The following MECOM variants were observed in gnomAD, a reference collection of about 807,000 sequenced individuals.
MECOM encodes histone-lysine N-methyltransferase MECOM.
In MECOM, 13 loss-of-function variants were observed where a neutral mutation model predicts 116.3. The ratio of observed to expected loss-of-function variants is 0.11; its 90% CI spans 0.07 to 0.18. The LOEUF is 0.18. MECOM is among the 10% of genes least tolerant of loss of function. The pLI is 1.00. For missense variants in MECOM, 1,299 were observed against 1,509.0 expected (o/e 0.86, Z 2.31); for synonymous variants, 528 against 535.2 (o/e 0.99, Z 0.19).
chr3:169,472,499 AAAGGAAAGG>A (rs1560317441), intron 1 of MECOM, among the ~76,000 whole-genome samples: 27 of 88,238 alleles, frequency 3.1e-4, no homozygotes, highest in African/African-American at 1.4e-3. Context: ...AAAGGAAAGG[AAAGGAAAGG>A]AAAGGAAAGG....
At chr3:169,515,211 A>G (rs1756477639) in intron 1 of MECOM, among the ~76,000 whole-genome samples, 2 of 152,080 alleles carry the variant, frequency 1.3e-5, no homozygotes, top group Admixed American at 1.3e-4. Context: ...AAAAAGAGGG[A>G]TCTGGTATGG....
At chr3:169,331,544 G>A (rs1722721967) in intron 2 of MECOM, among the ~76,000 whole-genome samples, 1 of 152,042 alleles carries the variant, frequency 6.6e-6, no homozygotes, top group African/African-American at 2.4e-5. Flanking sequence ...GATAATAGAA[G>A]GCAGGAATAG....
chr3:169,270,383 GTATC>G lies in MECOM; in HGVS notation c.375+110800_375+110803del, dbSNP rs201430289. 7.3e-3 allele frequency among the ~76,000 whole-genome samples: 1,116 copies of G among 151,892 alleles called. 8 individuals are homozygous for G. Among genetic ancestry groups the G allele is most frequent in the Middle Eastern group, 0.024 (7 of 290 alleles). ...AAGGTTCCAGATTATATCTATATCTGTATCTATCTATCTATCTATATATACTTAT... is the reference window on the plus strand; with the variant it reads ...AAGGTTCCAGATTATATCTATATCTGTATCTATCTATCTATATATACTTAT... On this transcript the variant is annotated intron_variant, in intron 2 of 16. Coordinates refer to ENST00000651503, the MANE Select transcript of MECOM (RefSeq NM_004991.4).
intron 2 of MECOM, among the ~76,000 whole-genome samples, chr3:169,230,180 C>A (rs1419142658): frequency 6.6e-6 from 1 of 152,088 alleles, no homozygotes; most frequent in African/African-American, 2.4e-5. Context: ...TCCCTCCAGG[C>A]CAGAACTTTG....
At chr3:169,507,649 G>GTTTTTTTTTT (rs1491033517) in intron 1 of MECOM, among the ~76,000 whole-genome samples, 3 of 65,092 alleles carry the variant, frequency 4.6e-5, no homozygotes, top group Admixed American at 1.6e-4. Flanking sequence ...ATCCCCACTT[G>GTTTTTTTTTT]CTTTTTTTTT....
intron 1 of MECOM, among the ~76,000 whole-genome samples, chr3:169,414,493 A>G (rs1334265565): frequency 2.6e-5 from 4 of 152,148 alleles, no homozygotes. Context: ...AATGATGGCA[A>G]CTCCTCACCA....
intron 2 of MECOM, among the ~76,000 whole-genome samples, chr3:169,235,698 G>A (rs1753955948): frequency 6.6e-6 from 1 of 151,772 alleles, no homozygotes; most frequent in Non-Finnish European, 1.5e-5. Flanking sequence ...TCTGTTACTA[G>A]GGCAGAGGAA....
At chr3:169,139,540 T>C (rs1737451980) in intron 3 of MECOM, among the ~76,000 whole-genome samples, 13 of 152,134 alleles carry the variant, frequency 8.5e-5, no homozygotes, top group Admixed American at 8.5e-4. Flanking sequence ...TAAATTGTAT[T>C]AATTGTAAGT....
At chr3:169,503,436 T>A (rs115414487) in intron 1 of MECOM, among the ~76,000 whole-genome samples, 2,119 of 152,314 alleles carry the variant, frequency 0.014, 56 homozygotes, top group African/African-American at 0.049. Flanking sequence ...AGATTCTGAA[T>A]ATTACAGTGA....
chr3:169,257,510 A>G (rs537113609), intron 2 of MECOM, among the ~76,000 whole-genome samples: 1 of 152,346 alleles, frequency 6.6e-6, no homozygotes, highest in Non-Finnish European at 1.5e-5. Context: ...ATGCAGTATT[A>G]GACTGAGGCT....
intron 1 of MECOM, among the ~76,000 whole-genome samples, chr3:169,474,828 TA>T (rs11324770): frequency 0.84 from 127,088 of 152,092 alleles, 53,658 homozygotes; most frequent in African/African-American, 0.95. Context: ...GTCTAGTACT[TA>T]ACCACCCATT....
intron 1 of MECOM, among the ~76,000 whole-genome samples, chr3:169,400,651 G>A (rs1735732717): frequency 6.6e-6 from 1 of 152,174 alleles, no homozygotes; most frequent in Admixed American, 6.5e-5. Flanking sequence ...AGACAGGTGG[G>A]TCTGGAATGA....
intron 1 of MECOM, among the ~76,000 whole-genome samples, chr3:169,487,010 G>T (rs948952495): frequency 1.3e-5 from 2 of 151,332 alleles, no homozygotes; most frequent in Non-Finnish European, 2.9e-5. Flanking sequence ...TTTTTAATTT[G>T]TCATTAGAGA....
At chr3:169,411,079 T>C (rs1737485943) in intron 1 of MECOM, among the ~76,000 whole-genome samples, 1 of 152,192 alleles carries the variant, frequency 6.6e-6, no homozygotes, top group South Asian at 2.1e-4. Context: ...TGTGTCTGTA[T>C]ATATGTATCA....
At chr3:169,291,206 T>C (rs1476678848) in intron 2 of MECOM, among the ~76,000 whole-genome samples, 2 of 152,260 alleles carry the variant, frequency 1.3e-5, no homozygotes, top group Non-Finnish European at 2.9e-5. Context: ...TTGAAAATAG[T>C]CAATAAATCA....
At chr3:169,208,198 T>TAC (rs1750201445) in intron 2 of MECOM, among the ~76,000 whole-genome samples, 2 of 141,762 alleles carry the variant, frequency 1.4e-5, no homozygotes, top group African/African-American at 5.1e-5. Flanking sequence ...TAGTCAGCAA[T>TAC]ATATATATAT....
At chr3:169,287,823 T>G (rs1713653676) in intron 2 of MECOM, among the ~76,000 whole-genome samples, 1 of 152,032 alleles carries the variant, frequency 6.6e-6, no homozygotes, top group African/African-American at 2.4e-5. Flanking sequence ...GCAGGGCCCT[T>G]GTATAGGAGT....
At chr3:169,257,364 C>T (rs551511156) in intron 2 of MECOM, among the ~76,000 whole-genome samples, 3 of 152,228 alleles carry the variant, frequency 2.0e-5, no homozygotes, top group African/African-American at 7.2e-5. Context: ...CATGTGTCTT[C>T]CAGAAAACAT....
intron 2 of MECOM, 126 bp from the exon 3 acceptor site, chr3:169,143,958 C>G: frequency 9.0e-7 from 1 of 1,113,216 alleles, no homozygotes; most frequent in Non-Finnish European, 1.2e-6. Flanking sequence ...AGTCAGATCA[C>G]AAGCACATTA....
Sources: gnomAD v4.1 joint callset for allele counts (sites outside exome capture counted in the v4.1 genomes callset) on GRCh38, gnomAD v4.1.1 for gene constraint, MANE v1.5 for transcripts, NCBI Gene and HGNC (gene_info 2026-07-23, HGNC 2026-07-21) for gene names.